Variants in DPYSL2 observed in about 807,000 individuals in gnomAD.
DPYSL2 encodes the protein dihydropyrimidinase-related protein 2.
A neutral mutation model predicts 69.9 loss-of-function variants in DPYSL2; 13 were observed. The observed-to-expected ratio is 0.19, with a 90% CI of 0.12 to 0.30. The LOEUF (loss-of-function observed/expected upper bound fraction) is 0.30. Ranked by LOEUF, DPYSL2 falls within the 10% of genes least tolerant of loss-of-function variation. The pLI is 1.00. For missense variants in DPYSL2, 587 were observed against 918.9 expected (o/e 0.64, Z 4.67); for synonymous variants, 326 against 359.1 (o/e 0.91, Z 1.04).
chr8:26,556,486 C>G (rs1800989880), intron 1 of DPYSL2, among the ~76,000 whole-genome samples: 1 of 127,614 alleles, frequency 7.8e-6, no homozygotes, highest in South Asian at 2.5e-4. Context: ...ATGATTATAT[C>G]AAGATTGTAG....
In DPYSL2 at chr8:26,563,861, A is replaced by G. The variant is rs1156375121; in HGVS notation, c.355-18108A>G. ...CCTTGCTGGATGAGTGAATGAATGA[A>G]TGAATGAATGAATGAAGTGTGGAAA... On this transcript the variant is annotated intron_variant, in intron 1 of 13. Coordinates refer to ENST00000521913, the MANE Select transcript of DPYSL2 (RefSeq NM_001197293.3). Among the ~76,000 whole-genome samples, 3 of 152,144 alleles carry G rather than the reference A, an allele frequency of 2.0e-5. No individual in the cohort carries two copies. In the East Asian group the frequency reaches 5.8e-4, roughly 29 times the overall value.
At chr8:26,549,168 G>T (rs1273645908) in intron 1 of DPYSL2, among the ~76,000 whole-genome samples, 1 of 151,396 alleles carries the variant, frequency 6.6e-6, no homozygotes, top group African/African-American at 2.4e-5. Context: ...CAGCCCAGGT[G>T]ACAGAGGGAA....
In DPYSL2 at chr8:26,564,763, AT is replaced by A. The variant is rs199840227; in HGVS notation, c.355-17196del. ...TCTGTCCCAGTTTCTTTTTAAAAGA[AT>A]TTTTTTTTTAAAAAATTTCAATAGC... On this transcript the variant is annotated intron_variant, in intron 1 of 13. Transcript: ENST00000521913. The surrounding 1 kb of genome is among the most constrained non-coding windows in gnomAD (Gnocchi z 4.8). 3.3e-5 allele frequency among the ~76,000 whole-genome samples: 5 copies of A among 150,282 alleles called. No individual in the cohort carries two copies. Among genetic ancestry groups the A allele is most frequent in the African/African-American group, 9.8e-5 (4 of 40,622 alleles).
rs574997661 is a variant in DPYSL2 at position 26,657,795 on chromosome 8, G to A, written c.*2089G>A. The A allele has an allele frequency of 2.2e-4, 34 of 152,700 alleles. No individual in the cohort carries two copies. Among genetic ancestry groups the A allele is most frequent in the African/African-American group, 7.9e-4 (33 of 41,554 alleles). The allele number at this position is 152,700 out of a possible 1,614,324, so 9.5% of individuals were successfully genotyped here. ...CTTAAAAAACAAGTTAAAACCTGAC[G>A]ATTTCTGCAGGCTGTGTAAGCATGT... On this transcript the variant is annotated 3_prime_UTR_variant, in exon 14 of 14. Coordinates refer to ENST00000521913, the MANE Select transcript of DPYSL2 (RefSeq NM_001197293.3).
rs1803297235 is a variant in DPYSL2 at position 26,652,414 on chromosome 8, A to G, written c.1754A>G (p.Lys585Arg). ...AAGCCCTTCCCTGATTTTGTTTACA[A>G]GCGTATCAAGGCAAGGAGCAGGGTG... ...PRKPFPDFVY[K>R]RIKARSRLAE... The change falls in exon 12 of 14, where the codon AAG (lysine) becomes AGG (arginine). Residue 585 changes from lysine (K) to arginine (R), a missense_variant. Physicochemically the swap from Lys to Arg is conservative, Grantham distance 26. Transcript: ENST00000521913. The surrounding 1 kb of genome is among the most constrained non-coding windows in gnomAD (Gnocchi z 6.3). 2.5e-6 allele frequency: 4 copies of G among 1,613,564 alleles called. No individual in the cohort carries two copies. The highest frequency in any genetic ancestry group is 4.5e-5 in the East Asian group (2 of 44,874).
chr8:26,635,026 C>A, intron 8 of DPYSL2, 126 bp downstream of exon 8: 1 of 1,393,104 alleles, frequency 7.2e-7, no homozygotes, highest in Non-Finnish European at 9.6e-7. Context: ...CATGTTCTGG[C>A]ATTAACCTAA....
At chr8:26,527,918 T>C (rs1241805008) in intron 1 of DPYSL2, among the ~76,000 whole-genome samples, 2 of 150,248 alleles carry the variant, frequency 1.3e-5, no homozygotes. Context: ...TTCTCTTGCC[T>C]CAGACTCCTG....
chr8:26,541,202 G>A (rs540472828), intron 1 of DPYSL2, among the ~76,000 whole-genome samples: 28 of 152,154 alleles, frequency 1.8e-4, no homozygotes, highest in Non-Finnish European at 3.2e-4. Context: ...GAATATTAGT[G>A]GATTTCTTGG....
In DPYSL2 at chr8:26,614,332, G is replaced by C. The variant is rs1395829755; in HGVS notation, c.629-9811G>C. On this transcript the variant is annotated intron_variant, in intron 3 of 13. Transcript: ENST00000521913. The surrounding 1 kb of genome is among the most constrained non-coding windows in gnomAD (Gnocchi z 4.9). ...GGGGCCAGTGTGCAGTGGGCCAAGA[G>C]GGAATGGGAGCGAGAAGGTGGGGCG... 2.6e-5 allele frequency among the ~76,000 whole-genome samples: 4 copies of C among 152,206 alleles called. No individual in the cohort carries two copies. The East Asian group carries it at 7.7e-4, about 29-fold the overall frequency.
intron 8 of DPYSL2, among the ~76,000 whole-genome samples, 189 bp downstream of exon 8, chr8:26,635,089 G>T (rs763852078): frequency 1.3e-5 from 2 of 152,232 alleles, no homozygotes; most frequent in African/African-American, 4.8e-5. Context: ...CCACTGCTGC[G>T]GCCTTGTTAG....
chr8:26,590,683 G>T (rs1320424583), intron 3 of DPYSL2, among the ~76,000 whole-genome samples: 2 of 152,028 alleles, frequency 1.3e-5, no homozygotes, highest in Non-Finnish European at 2.9e-5. Context: ...TTGAACGGCT[G>T]GACTGGAAGA....
At chr8:26,622,155 T>TCCC (rs1563413431) in intron 3 of DPYSL2, among the ~76,000 whole-genome samples, 1,330 of 68,940 alleles carry the variant, frequency 0.019, 21 homozygotes, top group Middle Eastern at 0.044. Context: ...CCTTCCTTCC[T>TCCC]TCCCTCTCTC....
At chr8:26,595,060 A>C (rs1801828402) in intron 3 of DPYSL2, among the ~76,000 whole-genome samples, 1 of 152,148 alleles carries the variant, frequency 6.6e-6, no homozygotes, top group Non-Finnish European at 1.5e-5. Context: ...ATAACTAAAA[A>C]TAAAAATAAA....
rs761911358 is a variant in DPYSL2, at chr8:26,644,109, C to G, written c.1425+18C>G. 1 of 1,612,700 alleles carries G rather than the reference C, an allele frequency of 6.2e-7. No individual in the cohort carries two copies. Among genetic ancestry groups the G allele is most frequent in the South Asian group, 1.1e-5 (1 of 90,880 alleles). ...AGGCTGTGGTAAGGAGCGATGGCCT[C>G]ACTCCTTGGTGGCTCTCAGCCTTCC... On this transcript the variant is annotated intron_variant, in intron 10 of 13. Transcript: ENST00000521913. The surrounding 1 kb of genome is among the most constrained non-coding windows in gnomAD (Gnocchi z 4.5).
At position 26,627,743 on chromosome 8, in the gene DPYSL2, G is replaced by A; in HGVS notation, c.937-129G>A. On this transcript the variant is annotated intron_variant, in intron 6 of 13. Coordinates refer to ENST00000521913, the MANE Select transcript of DPYSL2 (RefSeq NM_001197293.3). This position sits in a 1 kb window ranked among gnomAD's most constrained non-coding sequence, Gnocchi z 6.9. ...AACCCTTCTCTTCATGAGGTCTTGG[G>A]ATGAGGGCAGAACGATCGGCAGTGG... 1.1e-6 allele frequency: 1 copy of A among 891,078 alleles called. No homozygotes were observed. Among genetic ancestry groups the A allele is most frequent in the Non-Finnish European group, 1.8e-6 (1 of 568,740 alleles). 55.2% of individuals were successfully genotyped at this position (891,078 alleles called of 1,614,324 possible). A position where few individuals can be genotyped will look rare whatever the true frequency, so the allele number is the denominator to read the frequency against.
chr8:26,567,290 C>CATCCATCCATCG, intron 1 of DPYSL2, among the ~76,000 whole-genome samples: 1 of 151,980 alleles, frequency 6.6e-6, no homozygotes. Context: ...CCCATCCATC[C>CATCCATCCATCG]ATCCACCCAC....
intron 3 of DPYSL2, among the ~76,000 whole-genome samples, chr8:26,589,965 T>G (rs17055482): frequency 0.028 from 4,325 of 152,304 alleles, 91 homozygotes; most frequent in Middle Eastern, 0.072. Flanking sequence ...TGAGGTGGCT[T>G]CCTGAAGGGA....
Position 26,643,103 on chromosome 8 carries a change from C to T in DPYSL2, c.1127-336C>T, listed in dbSNP as rs992435829. On this transcript the variant is annotated intron_variant, in intron 8 of 13. Coordinates refer to ENST00000521913, the MANE Select transcript of DPYSL2 (RefSeq NM_001197293.3). This position sits in a 1 kb window ranked among gnomAD's most constrained non-coding sequence, Gnocchi z 6.5. Reference sequence around the variant, plus strand: ...GAACAGTCCAGATGGCACCTGGGACCGGATGCCTGGACACCATCCGAGCAG... The same window carrying T: ...GAACAGTCCAGATGGCACCTGGGACTGGATGCCTGGACACCATCCGAGCAG... 4 of 245,330 alleles carry T rather than the reference C, an allele frequency of 1.6e-5. No homozygotes were observed. The highest frequency in any genetic ancestry group is 5.0e-5 in the Admixed American group (1 of 20,192). 15.2% of individuals were successfully genotyped at this position (245,330 alleles called of 1,614,324 possible). A position where few individuals can be genotyped will look rare whatever the true frequency, so the allele number is the denominator to read the frequency against.
At chr8:26,649,631 G>A (rs920641950) in intron 11 of DPYSL2, among the ~76,000 whole-genome samples, 2 of 152,222 alleles carry the variant, frequency 1.3e-5, no homozygotes, top group Non-Finnish European at 2.9e-5. Context: ...GCAACCAGGA[G>A]ACTTTCCCTG....
Sources: allele counts gnomAD v4.1 joint callset (sites outside exome capture counted in the v4.1 genomes callset), GRCh38; gene constraint gnomAD v4.1.1; non-coding constraint Gnocchi (gnomAD v3.1); transcripts MANE v1.5; gene names NCBI Gene and HGNC (gene_info 2026-07-23, HGNC 2026-07-21).